CSMD1: variants seen among roughly 807,000 people sequenced by gnomAD.
The protein encoded by CSMD1 is CUB and sushi domain-containing protein 1.
In CSMD1, 213 loss-of-function variants were observed where a neutral mutation model predicts 417.5. The ratio of observed to expected loss-of-function variants is 0.51; its 90% confidence interval spans 0.46 to 0.57. CSMD1 has a LOEUF of 0.57. Among genes scored for constraint, CSMD1 ranks in the 20% least tolerant of loss-of-function variants. CSMD1 has a pLI of 0.00. For missense variants in CSMD1, 6,923 were observed against 4,529.7 expected, an observed-to-expected ratio of 1.53 and a Z score of -15.17; for synonymous variants, 2,862 against 1,736.8, an observed-to-expected ratio of 1.65 and a Z score of -16.11.
intron 37 of CSMD1, among the ~76,000 whole-genome samples, chr8:3,176,881 G>A (rs947951642): frequency 3.3e-5 from 5 of 151,428 alleles, no homozygotes; most frequent in African/African-American, 7.3e-5. Flanking sequence ...TGGGCTCAAC[G>A]GATCATCCCA....
At chr8:3,533,752 G>A (rs545766301) in intron 10 of CSMD1, among the ~76,000 whole-genome samples, 2 of 152,086 alleles carry the variant, frequency 1.3e-5, no homozygotes, top group Non-Finnish European at 2.9e-5. Context: ...AGGTGCTTGA[G>A]GCATCTCTTT....
At chr8:4,954,374 G>C (rs546187876) in intron 1 of CSMD1, among the ~76,000 whole-genome samples, 21 of 152,096 alleles carry the variant, frequency 1.4e-4, no homozygotes, top group Non-Finnish European at 2.8e-4. Context: ...CACATTTTTT[G>C]TGTGTGATTG....
At chr8:3,643,566 T>G (rs993243007) in intron 7 of CSMD1, among the ~76,000 whole-genome samples, 1 of 151,862 alleles carries the variant, frequency 6.6e-6, no homozygotes, top group Admixed American at 6.6e-5. Context: ...CCGGGCGTGG[T>G]GGCGGGCGCC....
At chr8:3,425,115 T>C (rs1024972750) in intron 12 of CSMD1, among the ~76,000 whole-genome samples, 3 of 152,206 alleles carry the variant, frequency 2.0e-5, no homozygotes, top group African/African-American at 7.2e-5. Flanking sequence ...GCCACCATGC[T>C]TGTCCTATTT....
At chr8:3,990,982 G>A (rs1784775978) in intron 5 of CSMD1, among the ~76,000 whole-genome samples, 1 of 152,114 alleles carries the variant, frequency 6.6e-6, no homozygotes, top group Admixed American at 6.5e-5. Context: ...GAGAAAATGT[G>A]TCTTGCAAAA....
chr8:4,084,883 A>C (rs1585280590), intron 3 of CSMD1, among the ~76,000 whole-genome samples: 1 of 152,154 alleles, frequency 6.6e-6, no homozygotes, highest in Non-Finnish European at 1.5e-5. Flanking sequence ...AAATACATAC[A>C]TTCAGTTTAA....
In CSMD1 at chr8:2,962,642, A is replaced by G; in HGVS notation, c.9455-3T>C. 1 of 1,612,650 alleles carries G rather than the reference A, an allele frequency of 6.2e-7. No homozygotes were observed. The highest frequency in any genetic ancestry group is 8.5e-7 in the Non-Finnish European group (1 of 1,179,118). ...GCCAGGGTCTCCGCAGAACACAGCT[A>G]TGGAAGATAACCAGGAAGAAGTCAG... is the stretch of plus-strand genomic sequence containing the variant. On this transcript the variant is annotated splice_region_variant and splice_polypyrimidine_tract_variant and intron_variant, in intron 60 of 69. Transcript: ENST00000635120.
intron 5 of CSMD1, among the ~76,000 whole-genome samples, chr8:3,977,519 G>C (rs1813528962): frequency 1.3e-5 from 2 of 152,176 alleles, no homozygotes; most frequent in Non-Finnish European, 2.9e-5. Flanking sequence ...TGCTTTGACA[G>C]TTTTGGATTC....
intron 1 of CSMD1, among the ~76,000 whole-genome samples, chr8:4,980,513 G>C (rs1810830651): frequency 1.3e-5 from 2 of 152,228 alleles, no homozygotes; most frequent in African/African-American, 4.8e-5. Flanking sequence ...GAATTCCTTA[G>C]ACTGAGCTCT....
chr8:3,054,170 T>C (rs1181693660), intron 49 of CSMD1, among the ~76,000 whole-genome samples: 1 of 152,204 alleles, frequency 6.6e-6, no homozygotes. Flanking sequence ...GCTGTATTGG[T>C]TCTTTCTTCT....
chr8:4,270,899 C>G (rs1804546378), intron 3 of CSMD1, among the ~76,000 whole-genome samples: 5 of 152,138 alleles, frequency 3.3e-5, no homozygotes, highest in Admixed American at 2.6e-4. Context: ...CAACAAACAA[C>G]TCAAGGTGCT....
intron 5 of CSMD1, among the ~76,000 whole-genome samples, chr8:3,819,295 G>A (rs1401729704): frequency 1.3e-5 from 2 of 152,116 alleles, no homozygotes; most frequent in African/African-American, 4.8e-5. Context: ...TCATGAATAA[G>A]TCACAGGAAG....
chr8:4,080,056 C>G (rs1245636099), intron 3 of CSMD1, among the ~76,000 whole-genome samples: 2 of 150,696 alleles, frequency 1.3e-5, no homozygotes, highest in African/African-American at 4.9e-5. Flanking sequence ...AGCTAGGAAT[C>G]TACGACTCAT....
chr8:4,159,880 G>C (rs1797050214), intron 3 of CSMD1, among the ~76,000 whole-genome samples: 2 of 152,136 alleles, frequency 1.3e-5, no homozygotes, highest in African/African-American at 4.8e-5. Context: ...ATAAGTGCGA[G>C]CTAGCCTATG....
chr8:4,211,723 G>A (rs935206203), intron 3 of CSMD1, among the ~76,000 whole-genome samples: 24 of 152,300 alleles, frequency 1.6e-4, no homozygotes, highest in African/African-American at 5.5e-4. Flanking sequence ...GACTTTGCAA[G>A]TGGGGAGTTG....
At chr8:3,292,217 T>C (rs1803632517) in intron 25 of CSMD1, among the ~76,000 whole-genome samples, 1 of 152,244 alleles carries the variant, frequency 6.6e-6, no homozygotes, top group Non-Finnish European at 1.5e-5. Context: ...TCTGTTCCTT[T>C]ACATTTGCTG....
intron 2 of CSMD1, among the ~76,000 whole-genome samples, chr8:4,491,697 T>C (rs536560790): frequency 1.3e-5 from 2 of 152,214 alleles, no homozygotes; most frequent in East Asian, 3.9e-4. Context: ...GAAGAATCGC[T>C]AAAATCCAGA....
intron 3 of CSMD1, among the ~76,000 whole-genome samples, chr8:4,158,743 A>G (rs1315785327): frequency 6.6e-6 from 1 of 152,122 alleles, no homozygotes; most frequent in Admixed American, 6.5e-5. Context: ...GAGAACCACC[A>G]TCATCGTCAC....
At chr8:4,310,447 A>G (rs1798497521) in intron 3 of CSMD1, among the ~76,000 whole-genome samples, 1 of 152,360 alleles carries the variant, frequency 6.6e-6, no homozygotes, top group African/African-American at 2.4e-5. Context: ...GTGCAGAAGT[A>G]GGAAGGATGA....
Sources: gnomAD v4.1 joint callset for allele counts (sites outside exome capture counted in the v4.1 genomes callset) on GRCh38, gnomAD v4.1.1 for gene constraint, MANE v1.5 for transcripts, NCBI Gene and HGNC (gene_info 2026-07-23, HGNC 2026-07-21) for gene names.